The following PPP1R42 variants were observed in gnomAD, a reference collection of about 807,000 sequenced individuals.
PPP1R42 encodes the protein protein phosphatase 1 regulatory subunit 42, also known as leucine rich repeat containing 67.
PPP1R42 carries 34 observed loss-of-function variants against 31.0 expected under a neutral mutation model. The observed-to-expected ratio is 1.10, with a 90% CI of 0.83 to 1.46. The LOEUF is 1.46. Among genes scored for constraint, PPP1R42 ranks in the 40% most tolerant of loss-of-function variants. The pLI, the probability that PPP1R42 is intolerant of heterozygous loss-of-function variation, is 0.00. For synonymous variants in PPP1R42, 103 were observed against 109.8 expected (o/e 0.94, Z 0.39); for missense variants, 268 against 303.0 (o/e 0.88, Z 0.86).
At chr8:66,985,119 C>G in intron 6 of PPP1R42, 1 of 1,209,734 alleles carries the variant, frequency 8.3e-7, no homozygotes, top group Non-Finnish European at 1.2e-6. Flanking sequence ...TAAGGGCAAG[C>G]CTAGTCAAAG....
intron 2 of PPP1R42, 135 bp downstream of exon 2, chr8:67,017,480 GGAGA>G (rs1049848871): frequency 2.5e-6 from 1 of 404,052 alleles, no homozygotes; most frequent in Non-Finnish European, 4.1e-6. Context: ...GGCAACAGAC[GGAGA>G]GAGACTCTAT....
Position 67,019,119 on chromosome 8 carries a change from A to G in PPP1R42, c.-84-1288T>C, listed in dbSNP as rs139089556. ...CCAAAGTGCTAGGATTACAGGCATG[A>G]GCCACTGCGCCCGAGCCATGCACTG... is the stretch of plus-strand genomic sequence containing the variant. On this transcript the variant is annotated intron_variant, in intron 1 of 7. Transcript: ENST00000685739. Among the ~76,000 whole-genome samples, 1,469 of 149,952 alleles carry G rather than the reference A, an allele frequency of 9.8e-3. 25 individuals are homozygous for G. The highest frequency in any genetic ancestry group is 0.034 in the African/African-American group (1,401 of 40,786).
intron 5 of PPP1R42, among the ~76,000 whole-genome samples, chr8:66,996,356 T>A (rs1041505403): frequency 6.6e-6 from 1 of 152,204 alleles, no homozygotes; most frequent in Non-Finnish European, 1.5e-5. Context: ...CTGGCCAAGT[T>A]TCAGTGACTA....
Position 67,003,577 on chromosome 8 carries a change from T to C in PPP1R42, c.552+7138A>G, listed in dbSNP as rs568458989. 3.2e-4 allele frequency among the ~76,000 whole-genome samples: 49 copies of C among 152,294 alleles called. 1 individual carries two copies. Among genetic ancestry groups the C allele is most frequent in the Admixed American group, 3.2e-3 (49 of 15,300 alleles). On this transcript the variant is annotated intron_variant, in intron 5 of 7. Transcript: ENST00000685739. ...GTTTCACATATTTTGTCTAGGTTTC[T>C]GTTTGTTTTTATGGAGGGCAATTCT...
Position 67,017,683 on chromosome 8 carries a change from G to T in PPP1R42, c.65C>A (p.Thr22Asn). 6.2e-7 allele frequency: 1 copy of T among 1,602,308 alleles called. No individual in the cohort carries two copies. The highest frequency in any genetic ancestry group is 8.5e-7 in the Non-Finnish European group (1 of 1,174,564). The change falls in exon 2 of 8, where the codon ACC becomes AAC. Residue 22 changes from threonine to asparagine, a missense_variant. Coordinates refer to ENST00000685739, the MANE Select transcript of PPP1R42 (RefSeq NM_001364910.1). ...TATTTTCTTCAGGCACTGTGAAATGGTTTCTTCTTTTCGGGGTTTAAGATT... is the reference window on the plus strand; with the variant it reads ...TATTTTCTTCAGGCACTGTGAAATGTTTTCTTCTTTTCGGGGTTTAAGATT... Reference protein sequence around the residue: ...NSNLKPRKEETISQCLKKITH... With the variant: ...NSNLKPRKEENISQCLKKITH...
intron 1 of PPP1R42, among the ~76,000 whole-genome samples, chr8:67,025,960 G>A (rs1228476410): frequency 2.0e-5 from 3 of 147,778 alleles, no homozygotes; most frequent in African/African-American, 5.0e-5. Context: ...AGCCCAGATC[G>A]CACCACTACG....
Position 67,014,424 on chromosome 8 carries a change from A to G in PPP1R42, c.296+2T>C, listed in dbSNP as rs1585680058. ...ACATTATTAAAAAATAAAAGCACTT[A>G]CAGTTTTTCCAGTTTCTTTAATGAC... On this transcript the variant is annotated splice_donor_variant, in intron 3 of 7. Transcript: ENST00000685739. LOFTEE classifies it high-confidence loss of function. 4.7e-6 allele frequency: 7 copies of G among 1,474,206 alleles called. No homozygotes were observed. In the East Asian group the frequency reaches 1.7e-4, roughly 36 times the overall value. 91.3% of individuals were successfully genotyped at this position (1,474,206 alleles called of 1,614,324 possible).
In PPP1R42 at chr8:67,019,304, TGATCTCGGCTCACTGC is replaced by T. The variant is rs1239554483; in HGVS notation, c.-84-1489_-84-1474del. On this transcript the variant is annotated intron_variant, in intron 1 of 7. Coordinates refer to ENST00000685739, the MANE Select transcript of PPP1R42 (RefSeq NM_001364910.1). ...TCACCCAGGCTGGAGTGCAGTGGCG[TGATCTCGGCTCACTGC>T]AACCTCTGCCTCCTGGGTTCAAGCA... 1.1e-4 allele frequency among the ~76,000 whole-genome samples: 16 copies of T among 140,626 alleles called. 1 individual carries two copies. In the South Asian group the frequency reaches 3.8e-3, roughly 33 times the overall value. The allele number at this position is 140,626 out of a possible 152,430, so 92.3% of individuals were successfully genotyped here. A position where few individuals can be genotyped will look rare whatever the true frequency, so the allele number is the denominator to read the frequency against.
chr8:67,014,741 A>G (rs1815950684), intron 2 of PPP1R42, 149 bp from the exon 3 acceptor site: 2 of 427,964 alleles, frequency 4.7e-6, no homozygotes, highest in Non-Finnish European at 4.0e-6. Flanking sequence ...CACAGTTAAA[A>G]CAAGACTAGA....
chr8:66,965,265 A>G (rs1814348853), intron 7 of PPP1R42, among the ~76,000 whole-genome samples: 1 of 127,050 alleles, frequency 7.9e-6, no homozygotes, highest in South Asian at 2.5e-4. Context: ...CTCCGTCTCA[A>G]AAAAAAAAAA....
chr8:66,977,520 T>C (rs1007444192), intron 7 of PPP1R42, among the ~76,000 whole-genome samples: 9 of 152,046 alleles, frequency 5.9e-5, no homozygotes, highest in Non-Finnish European at 8.8e-5. Context: ...TTTCTTTCTT[T>C]TTTTAGATGG....
At chr8:67,004,910 T>C (rs1815626696) in intron 5 of PPP1R42, among the ~76,000 whole-genome samples, 1 of 152,140 alleles carries the variant, frequency 6.6e-6, no homozygotes, top group South Asian at 2.1e-4. Flanking sequence ...CTGAAACTCT[T>C]AAATATCAGG....
chr8:67,019,833 A>G (rs1816155136), intron 1 of PPP1R42, among the ~76,000 whole-genome samples: 1 of 151,524 alleles, frequency 6.6e-6, no homozygotes, highest in Admixed American at 6.6e-5. Context: ...GCTTGTAGTG[A>G]GCCGAGATCA....
chr8:66,997,498 A>G (rs1037926330), intron 5 of PPP1R42, among the ~76,000 whole-genome samples: 4 of 147,846 alleles, frequency 2.7e-5, no homozygotes, highest in Non-Finnish European at 6.0e-5. Context: ...CTAGCCTCAG[A>G]CTCCCAGAGA....
rs530816078 is a variant in PPP1R42, at chr8:66,986,089, T to C, written c.670+2311A>G. ...AAAGGTTTCAGATGATCGGCTGCCT[T>C]CTTCTTGTCCATGCTCTTCCCTACA... On this transcript the variant is annotated intron_variant, in intron 6 of 7. Transcript: ENST00000685739. 12 of 726,580 alleles carry C rather than the reference T, an allele frequency of 1.7e-5. No homozygotes were observed. The African/African-American group carries it at 2.1e-4, about 13-fold the overall frequency. The allele number at this position is 726,580 out of a possible 1,614,324, so 45.0% of individuals were successfully genotyped here.
chr8:66,997,699 C>T (rs1223270919), intron 5 of PPP1R42, among the ~76,000 whole-genome samples: 1 of 151,638 alleles, frequency 6.6e-6, no homozygotes, highest in Non-Finnish European at 1.5e-5. Flanking sequence ...GGCCACCATT[C>T]CCAGCTAATT....
intron 5 of PPP1R42, among the ~76,000 whole-genome samples, chr8:66,993,073 ACTT>A (rs911709322): frequency 1.3e-5 from 2 of 152,128 alleles, no homozygotes; most frequent in African/African-American, 4.8e-5. Context: ...TTGACTCTTG[ACTT>A]CTTTATTTCT....
intron 6 of PPP1R42, chr8:66,984,574 G>T: frequency 8.3e-7 from 1 of 1,211,912 alleles, no homozygotes; most frequent in Non-Finnish European, 1.2e-6. Context: ...TGGCTGGGGT[G>T]CTCAAATTTC....
Position 67,017,670 on chromosome 8 carries a change from G to T in PPP1R42, c.78C>A (p.Cys26Ter). ...AATTTATATGAGTTATTTTCTTCAG[G>T]CACTGTGAAATGGTTTCTTCTTTTC... Reference protein sequence around the residue: ...KPRKEETISQCLKKITHINFS... With the variant: ...KPRKEETISQ Residue 26 changes from cysteine to a stop codon, truncating the protein, a stop_gained, in exon 2 of 8, where the codon TGC (cysteine) becomes TGA (stop). Transcript: ENST00000685739. LOFTEE classifies it high-confidence loss of function. 1.3e-6 allele frequency: 2 copies of T among 1,594,000 alleles called. No homozygotes were observed. The highest frequency in any genetic ancestry group is 1.2e-5 in the South Asian group (1 of 85,676).
Sources: allele counts gnomAD v4.1 joint callset (sites outside exome capture counted in the v4.1 genomes callset), GRCh38; gene constraint gnomAD v4.1.1; transcripts MANE v1.5; gene names NCBI Gene and HGNC (gene_info 2026-07-23, HGNC 2026-07-21).